Variants in DYNC2H1 observed in about 807,000 individuals in gnomAD.
The protein encoded by DYNC2H1 is cytoplasmic dynein 2 heavy chain 1.
A neutral mutation model predicts 570.0 loss-of-function variants in DYNC2H1; 410 were observed. That is an observed-to-expected ratio of 0.72 (90% confidence interval 0.66 to 0.78). DYNC2H1 has a LOEUF of 0.78. Among genes scored for constraint, DYNC2H1 ranks in the 30% least tolerant of loss-of-function variants. The pLI is 0.00. For synonymous variants in DYNC2H1, 1,688 were observed against 1,677.6 expected, an observed-to-expected ratio of 1.01 and a Z score of -0.15; for missense variants, 4,865 against 5,046.4, an observed-to-expected ratio of 0.96 and a Z score of 1.09.
At chr11:103,328,268 T>G (rs572663848) in intron 82 of DYNC2H1, among the ~76,000 whole-genome samples, 1 of 152,356 alleles carries the variant, frequency 6.6e-6, no homozygotes, top group South Asian at 2.1e-4. Flanking sequence ...ACTTGAGTAC[T>G]TATTTTTTAA....
At chr11:103,146,421 T>C (rs1162476608) in intron 18 of DYNC2H1, among the ~76,000 whole-genome samples, 1 of 152,186 alleles carries the variant, frequency 6.6e-6, no homozygotes, top group Non-Finnish European at 1.5e-5. Context: ...TGGGGTACAA[T>C]GGAAATAATT....
In DYNC2H1 at chr11:103,323,943, C is replaced by A. The variant is rs1938339590; in HGVS notation, c.11992C>A (p.Leu3998Met). 6.2e-7 allele frequency: 1 copy of A among 1,612,972 alleles called. No individual in the cohort carries two copies. The change falls in exon 82 of 89, where the codon CTG (leucine) becomes ATG (methionine). Residue 3998 changes from leucine to methionine, a missense_variant. This residue lies in a region of DYNC2H1 where 2,401 missense variants were observed against 2,454.6 expected (regional missense o/e 0.98). Coordinates refer to ENST00000375735, the MANE Select transcript of DYNC2H1 (RefSeq NM_001377.3). ...GGACGACAAACCTAGTTTCTTTGGT[C>A]TGCCTGCCAATATCGCTCGCTCATC... ...PEDDKPSFFG[L>M]PANIARSSQR... is the part of the protein sequence containing the mutation.
At chr11:103,232,227 T>A (rs1459822948) in intron 60 of DYNC2H1, among the ~76,000 whole-genome samples, 1 of 152,042 alleles carries the variant, frequency 6.6e-6, no homozygotes, top group African/African-American at 2.4e-5. Flanking sequence ...TTAGGTGTTA[T>A]ACTGGGTAAT....
At chr11:103,290,469 C>T (rs1435857165) in intron 75 of DYNC2H1, among the ~76,000 whole-genome samples, 4 of 152,154 alleles carry the variant, frequency 2.6e-5, no homozygotes, top group African/African-American at 9.7e-5. Flanking sequence ...TAATTATCCA[C>T]CTTTCTTTTG....
chr11:103,115,035 C>T (rs1330778974), intron 3 of DYNC2H1, 142 bp from the exon 4 acceptor site: 8 of 506,588 alleles, frequency 1.6e-5, no homozygotes, highest in Non-Finnish European at 2.5e-5. Context: ...AAATAGGAAA[C>T]AATAAGGAAG....
At chr11:103,389,759 G>A (rs1225274503) in intron 83 of DYNC2H1, among the ~76,000 whole-genome samples, 2 of 151,924 alleles carry the variant, frequency 1.3e-5, no homozygotes, top group African/African-American at 2.4e-5. Context: ...TATGTACCCA[G>A]TAGTCATTCA....
chr11:103,177,758 C>T lies in DYNC2H1; in HGVS notation c.6077C>T (p.Thr2026Ile), dbSNP rs754613869. ...TTATTAGGCCATATTGACATGGACA[C>T]AAGAGAATGGTCTGATGGTGTTTTG... is the stretch of plus-strand genomic sequence containing the variant. ...YQLLGHIDMD[T>I]REWSDGVLTN... Residue 2026 changes from threonine (T) to isoleucine (I), a missense_variant, in exon 38 of 89, where the codon ACA becomes ATA. Physicochemically the swap from Thr to Ile is moderately conservative, Grantham distance 89. Coordinates refer to ENST00000375735, the MANE Select transcript of DYNC2H1 (RefSeq NM_001377.3). The surrounding 1 kb of genome is among the most constrained non-coding windows in gnomAD (Gnocchi z 4.4). 1.9e-6 allele frequency: 3 copies of T among 1,613,136 alleles called. No homozygotes were observed. The highest frequency in any genetic ancestry group is 2.5e-6 in the Non-Finnish European group (3 of 1,179,552).
chr11:103,359,954 C>T (rs900119645), intron 83 of DYNC2H1, among the ~76,000 whole-genome samples: 2 of 151,996 alleles, frequency 1.3e-5, no homozygotes, highest in African/African-American at 4.8e-5. Flanking sequence ...CGTGAGCCAC[C>T]ACGCCCAGCC....
intron 19 of DYNC2H1, among the ~76,000 whole-genome samples, chr11:103,148,193 T>C (rs951047162): frequency 6.6e-6 from 1 of 152,214 alleles, no homozygotes; most frequent in Non-Finnish European, 1.5e-5. Flanking sequence ...TTTCTTCTTT[T>C]TCTTTAAAAC....
At chr11:103,391,902 C>A (rs887187345) in intron 83 of DYNC2H1, among the ~76,000 whole-genome samples, 3 of 119,288 alleles carry the variant, frequency 2.5e-5, no homozygotes, top group Non-Finnish European at 6.2e-5. Context: ...TGTCATTGTG[C>A]CCCTACTGGG....
At chr11:103,293,775 T>C (rs541941514) in intron 75 of DYNC2H1, among the ~76,000 whole-genome samples, 15 of 152,198 alleles carry the variant, frequency 9.9e-5, no homozygotes, top group African/African-American at 3.6e-4. Flanking sequence ...TGAATCTCTT[T>C]ATTAAATTTC....
chr11:103,379,140 C>T (rs1268077546), intron 83 of DYNC2H1, among the ~76,000 whole-genome samples: 1 of 152,084 alleles, frequency 6.6e-6, no homozygotes, highest in African/African-American at 2.4e-5. Flanking sequence ...GCAATCAAGA[C>T]AATGTGAAAA....
intron 35 of DYNC2H1, among the ~76,000 whole-genome samples, chr11:103,173,524 G>GT (rs930053907): frequency 3.3e-5 from 5 of 151,678 alleles, no homozygotes; most frequent in African/African-American, 1.2e-4. Context: ...AATTTGATCA[G>GT]TTTTTTTTCT....
At chr11:103,453,269 T>G (rs1428666219) in intron 85 of DYNC2H1, among the ~76,000 whole-genome samples, 1 of 151,994 alleles carries the variant, frequency 6.6e-6, no homozygotes, top group Non-Finnish European at 1.5e-5. Context: ...CCTACGACTT[T>G]GTTCAAAGCC....
intron 75 of DYNC2H1, among the ~76,000 whole-genome samples, chr11:103,302,210 T>C (rs1867077715): frequency 6.6e-6 from 1 of 152,054 alleles, no homozygotes; most frequent in Non-Finnish European, 1.5e-5. Flanking sequence ...TGGGTGCCCT[T>C]TGGCAAGATA....
chr11:103,444,898 G>A (rs1280300007), intron 85 of DYNC2H1, among the ~76,000 whole-genome samples: 1 of 152,146 alleles, frequency 6.6e-6, no homozygotes, highest in East Asian at 1.9e-4. Context: ...AGTCCATGTA[G>A]GCTTGGTAAG....
chr11:103,128,621 G>A (rs1204864189), intron 12 of DYNC2H1, among the ~76,000 whole-genome samples: 1 of 152,204 alleles, frequency 6.6e-6, no homozygotes, highest in African/African-American at 2.4e-5. Flanking sequence ...ACATGCTTCA[G>A]TGAGTTCCTT....
intron 84 of DYNC2H1, 72 bp downstream of exon 84, chr11:103,399,944 T>A (rs1055131120): frequency 7.7e-7 from 1 of 1,297,448 alleles, no homozygotes; most frequent in African/African-American, 1.5e-5. Context: ...CATATATTTG[T>A]CAGGAATCAT....
chr11:103,359,274 G>A (rs555334514), intron 83 of DYNC2H1, among the ~76,000 whole-genome samples: 1 of 152,164 alleles, frequency 6.6e-6, no homozygotes, highest in Admixed American at 6.5e-5. Flanking sequence ...AAGTTGCGAG[G>A]ACAGCTCATA....
Sources: gnomAD v4.1 joint callset for allele counts (sites outside exome capture counted in the v4.1 genomes callset) on GRCh38, gnomAD v4.1.1 for gene constraint, gnomAD v4.1.1 regional missense constraint, Gnocchi (gnomAD v3.1) non-coding constraint, MANE v1.5 for transcripts, NCBI Gene and HGNC (gene_info 2026-07-23, HGNC 2026-07-21) for gene names.